Variants in ASIC2 observed in about 807,000 individuals in gnomAD.
ASIC2 encodes acid sensing ion channel subunit 2.
In ASIC2, 25 loss-of-function variants were observed where a neutral mutation model predicts 57.3. The observed-to-expected ratio is 0.44, with a 90% CI of 0.32 to 0.61. ASIC2 has a LOEUF of 0.61. ASIC2 is among the 20% of genes least tolerant of loss of function. The pLI is 0.06. For missense variants in ASIC2, 641 were observed against 738.1 expected (o/e 0.87, Z 1.52); for synonymous variants, 319 against 307.5 (o/e 1.04, Z -0.39).
chr17:33,797,250 G>A (rs1461707255), intron 1 of ASIC2, among the ~76,000 whole-genome samples: 3 of 152,196 alleles, frequency 2.0e-5, no homozygotes, highest in Non-Finnish European at 4.4e-5. Context: ...GTTAGAAAGA[G>A]ACAGTAGGAG....
chr17:33,288,917 T>C (rs956009547), intron 1 of ASIC2, among the ~76,000 whole-genome samples: 3 of 152,176 alleles, frequency 2.0e-5, no homozygotes, highest in Non-Finnish European at 4.4e-5. Flanking sequence ...TCTCAGCCAC[T>C]ACACTTTGGT....
Position 33,103,242 on chromosome 17 carries a change from C to T in ASIC2, c.859+8675G>A, listed in dbSNP as rs2092221113. Among the ~76,000 whole-genome samples, 3 of 152,166 alleles carry T rather than the reference C, an allele frequency of 2.0e-5. No individual in the cohort carries two copies. In the South Asian group the frequency reaches 6.2e-4, roughly 32 times the overall value. ...CTTCCTTCATTTATTTTTTATTTAT[C>T]AAAAGGCGTATATGGTGTCTAATAT... On this transcript the variant is annotated intron_variant, in intron 2 of 9. Coordinates refer to ENST00000225823, the MANE Select transcript of ASIC2 (RefSeq NM_183377.2).
intron 1 of ASIC2, among the ~76,000 whole-genome samples, chr17:33,463,106 C>G (rs1912695604): frequency 6.6e-6 from 1 of 152,194 alleles, no homozygotes; most frequent in Non-Finnish European, 1.5e-5. Flanking sequence ...CCCACTCACT[C>G]CTTTTGAATT....
At chr17:34,107,952 C>T (rs745514975) in intron 1 of ASIC2, among the ~76,000 whole-genome samples, 1 of 152,030 alleles carries the variant, frequency 6.6e-6, no homozygotes, top group Non-Finnish European at 1.5e-5. Flanking sequence ...CACCTCGCCT[C>T]ACACTTTGTA....
At chr17:33,411,570 C>T (rs1450039459) in intron 1 of ASIC2, among the ~76,000 whole-genome samples, 3 of 152,130 alleles carry the variant, frequency 2.0e-5, no homozygotes, top group Non-Finnish European at 2.9e-5. Context: ...TTCTTTTAGG[C>T]CTGGAGTGCA....
chr17:34,038,866 T>C (rs1907990837), intron 1 of ASIC2: 1 of 1,612,464 alleles, frequency 6.2e-7, no homozygotes, highest in African/African-American at 1.3e-5. Context: ...TCCGTTGTCT[T>C]TCTATCTCTT....
At chr17:33,494,763 G>A (rs180832314) in intron 1 of ASIC2, among the ~76,000 whole-genome samples, 4 of 152,258 alleles carry the variant, frequency 2.6e-5, no homozygotes, top group East Asian at 1.9e-4. Flanking sequence ...TCTGAACTCC[G>A]CTTTCTTTTG....
At chr17:34,134,050 T>C (rs1598042711) in intron 1 of ASIC2, among the ~76,000 whole-genome samples, 1 of 152,182 alleles carries the variant, frequency 6.6e-6, no homozygotes. Flanking sequence ...CAAGTTCACA[T>C]AGCTGATGAG....
chr17:33,848,865 C>T (rs1186237935), intron 1 of ASIC2, among the ~76,000 whole-genome samples: 1 of 152,156 alleles, frequency 6.6e-6, no homozygotes, highest in Non-Finnish European at 1.5e-5. Flanking sequence ...TTGTTAAACA[C>T]ATTATATGCA....
rs558053882 is a variant in ASIC2 at position 33,324,394 on chromosome 17, G to T, written c.556-212327C>A. Reference sequence around the variant, plus strand: ...TCAGGTGAATGAGGATAACAGTCTGGGGCTGGTGTTCTGACAGTGCTGTTC... The same window carrying T: ...TCAGGTGAATGAGGATAACAGTCTGTGGCTGGTGTTCTGACAGTGCTGTTC... On this transcript the variant is annotated intron_variant, in intron 1 of 9. Coordinates refer to the ASIC2 transcript ENST00000359872. Among the ~76,000 whole-genome samples the T allele has an allele frequency of 1.1e-4, 17 of 152,204 alleles. No homozygotes were observed. In the South Asian group the frequency reaches 3.5e-3, roughly 32 times the overall value.
intron 1 of ASIC2, among the ~76,000 whole-genome samples, chr17:33,824,826 G>A (rs545287369): frequency 6.6e-6 from 1 of 152,284 alleles, no homozygotes; most frequent in Admixed American, 6.5e-5. Flanking sequence ...TGCCATGATT[G>A]TGAGGTCTCC....
chr17:33,579,014 G>T (rs561585703), intron 1 of ASIC2, among the ~76,000 whole-genome samples: 1 of 152,100 alleles, frequency 6.6e-6, no homozygotes, highest in African/African-American at 2.4e-5. Context: ...GGTCAGGTGC[G>T]CTGTCTCACT....
chr17:33,405,487 CT>C (rs35049672), intron 1 of ASIC2, among the ~76,000 whole-genome samples: 1,946 of 135,212 alleles, frequency 0.014, 38 homozygotes, highest in African/African-American at 0.048. Context: ...TTTTTTCTTT[CT>C]TTTTTTTTTT....
At chr17:33,199,965 C>T (rs1597626556) in intron 1 of ASIC2, among the ~76,000 whole-genome samples, 1 of 152,106 alleles carries the variant, frequency 6.6e-6, no homozygotes, top group Admixed American at 6.5e-5. Flanking sequence ...CACCGTGCCC[C>T]CTTGCTGTTC....
At chr17:34,153,551 C>G (rs139228687) in intron 1 of ASIC2, among the ~76,000 whole-genome samples, 1 of 152,330 alleles carries the variant, frequency 6.6e-6, no homozygotes, top group Non-Finnish European at 1.5e-5. Flanking sequence ...AGGTCTTGAG[C>G]AAACTCAGCA....
At chr17:33,306,076 G>A (rs1255169236) in intron 1 of ASIC2, among the ~76,000 whole-genome samples, 1 of 152,062 alleles carries the variant, frequency 6.6e-6, no homozygotes, top group East Asian at 1.9e-4. Context: ...TCTCTTTCCT[G>A]TTTCTTAAAC....
chr17:33,138,182 G>A (rs2092373522), intron 1 of ASIC2, among the ~76,000 whole-genome samples: 2 of 152,098 alleles, frequency 1.3e-5, no homozygotes, highest in African/African-American at 2.4e-5. Context: ...TCAGAGTTAA[G>A]CTTTAGATAC....
chr17:33,709,188 C>T (rs1908951924), intron 1 of ASIC2, among the ~76,000 whole-genome samples: 3 of 152,282 alleles, frequency 2.0e-5, no homozygotes, highest in South Asian at 4.1e-4. Context: ...ATTTCAACTG[C>T]CTGTTTCCCT....
At chr17:33,924,183 A>T (rs1012783949) in intron 1 of ASIC2, among the ~76,000 whole-genome samples, 4 of 152,154 alleles carry the variant, frequency 2.6e-5, no homozygotes, top group African/African-American at 9.7e-5. Flanking sequence ...ATTTGTCACC[A>T]CTGTTGGTGG....
Sources: gnomAD v4.1 joint callset for allele counts (sites outside exome capture counted in the v4.1 genomes callset) on GRCh38, gnomAD v4.1.1 for gene constraint, MANE v1.5 for transcripts, NCBI Gene and HGNC (gene_info 2026-07-23, HGNC 2026-07-21) for gene names.